Variants in CCDC171 observed in about 807,000 individuals in gnomAD.
CCDC171 encodes coiled-coil domain containing 171, also known as coiled-coil domain-containing protein 171.
CCDC171 carries 177 observed loss-of-function variants against 168.2 expected under a neutral mutation model. The observed-to-expected ratio is 1.05, with a 90% CI of 0.93 to 1.19. CCDC171 has a LOEUF of 1.19. Ranked by LOEUF, CCDC171 falls within the 50% of genes most tolerant of loss-of-function variation. The probability of loss-of-function intolerance (pLI) is 0.00; values close to 1 mark genes in which losing one functional copy is unlikely to be tolerated. For missense variants in CCDC171, 1,991 were observed against 1,539.0 expected (o/e 1.29, Z -4.91); for synonymous variants, 687 against 540.8 (o/e 1.27, Z -3.75).
rs2040903842 is a variant in CCDC171 at position 15,578,995 on chromosome 9, G to A, written c.324G>A (p.Glu108=). ...GRRAAEERLA[E]AHRIQEKLCA... Reference sequence around the variant, plus strand: ...GGGCTGCTGAAGAAAGATTAGCCGAGGCACATAGGATCCAAGAAAAACTCT... The same window carrying A: ...GGGCTGCTGAAGAAAGATTAGCCGAAGCACATAGGATCCAAGAAAAACTCT... The change falls in exon 4 of 26, where the codon GAG becomes GAA. Residue 108 remains glutamate (E), a synonymous_variant. Transcript: ENST00000380701. 2.5e-6 allele frequency: 4 copies of A among 1,613,696 alleles called. No homozygotes were observed. Among genetic ancestry groups the A allele is most frequent in the Non-Finnish European group, 3.4e-6 (4 of 1,179,872 alleles).
intron 3 of CCDC171, among the ~76,000 whole-genome samples, chr9:15,987,474 A>G (rs1322660667): frequency 1.3e-5 from 2 of 152,188 alleles, no homozygotes; most frequent in African/African-American, 2.4e-5. Context: ...AAAAAAAAGC[A>G]TGAAAAAGAT....
At chr9:15,749,542 C>G (rs2055565601) in intron 18 of CCDC171, among the ~76,000 whole-genome samples, 1 of 152,196 alleles carries the variant, frequency 6.6e-6, no homozygotes, top group African/African-American at 2.4e-5. Context: ...CCACATCACA[C>G]TTATTCTAAA....
intron 25 of CCDC171, among the ~76,000 whole-genome samples, chr9:15,934,082 C>A (rs986471735): frequency 6.6e-6 from 1 of 151,820 alleles, no homozygotes; most frequent in Non-Finnish European, 1.5e-5. Context: ...AACAAAAAGA[C>A]AATCTAATTT....
the CCDC171 span, among the ~76,000 whole-genome samples, chr9:16,095,574 CAT>C: frequency 2.0e-5 from 3 of 151,964 alleles, no homozygotes; most frequent in Non-Finnish European, 2.9e-5. Context: ...CACATACACA[CAT>C]GTTGAAATAT....
intron 6 of CCDC171, among the ~76,000 whole-genome samples, chr9:16,034,881 G>T (rs1437847920): frequency 6.6e-6 from 1 of 152,108 alleles, no homozygotes; most frequent in Admixed American, 6.5e-5. Context: ...GGGTTAACTT[G>T]GAGAGTGGGG....
At chr9:15,568,267 C>CTT (rs554021809) in intron 2 of CCDC171, among the ~76,000 whole-genome samples, 211 of 126,824 alleles carry the variant, frequency 1.7e-3, no homozygotes, top group African/African-American at 2.5e-3. Context: ...TCCAATACAT[C>CTT]TTTTTTTTTT....
At chr9:15,624,041 T>C (rs1387205522) in intron 7 of CCDC171, among the ~76,000 whole-genome samples, 13 of 152,216 alleles carry the variant, frequency 8.5e-5, no homozygotes, top group Non-Finnish European at 1.9e-4. Flanking sequence ...TAAACATAAT[T>C]TGTAATCTTT....
chr9:15,895,428 C>T (rs1045351167), intron 24 of CCDC171, among the ~76,000 whole-genome samples: 2 of 152,066 alleles, frequency 1.3e-5, no homozygotes, highest in African/African-American at 4.8e-5. Flanking sequence ...CTTATCGAGG[C>T]CAGATGTCAT....
intron 9 of CCDC171, among the ~76,000 whole-genome samples, chr9:15,677,086 C>G (rs1330751753): frequency 6.6e-6 from 1 of 152,106 alleles, no homozygotes; most frequent in Non-Finnish European, 1.5e-5. Context: ...TTGTCGAGCT[C>G]TTTCAATTTT....
At chr9:15,556,372 C>G (rs2038799303) in intron 1 of CCDC171, among the ~76,000 whole-genome samples, 1 of 152,094 alleles carries the variant, frequency 6.6e-6, no homozygotes, top group South Asian at 2.1e-4. Flanking sequence ...TAAAAGTGTT[C>G]CTATTTCTCC....
chr9:15,594,016 A>T (rs928225847), intron 5 of CCDC171, 25 bp from the exon 6 acceptor site: 1 of 1,537,182 alleles, frequency 6.5e-7, no homozygotes, highest in East Asian at 2.3e-5. Context: ...ATCTAACAGT[A>T]AAGCAAGATT....
chr9:15,700,412 T>C (rs1310085362), intron 11 of CCDC171, among the ~76,000 whole-genome samples: 1 of 152,144 alleles, frequency 6.6e-6, no homozygotes, highest in Non-Finnish European at 1.5e-5. Context: ...CGGTTCCCAC[T>C]CACGCCTCTC....
chr9:15,881,049 A>T (rs927842215), intron 24 of CCDC171, among the ~76,000 whole-genome samples: 2 of 152,216 alleles, frequency 1.3e-5, no homozygotes, highest in African/African-American at 2.4e-5. Context: ...GCCAATGAGC[A>T]ATCTAAATGT....
intron 21 of CCDC171, among the ~76,000 whole-genome samples, chr9:15,805,614 T>C (rs1015655728): frequency 6.6e-6 from 1 of 152,172 alleles, no homozygotes; most frequent in Non-Finnish European, 1.5e-5. Context: ...AGACTGTTTG[T>C]TATGATTTCA....
At chr9:15,642,221 G>C (rs897827975) in intron 7 of CCDC171, among the ~76,000 whole-genome samples, 15 of 151,000 alleles carry the variant, frequency 9.9e-5, no homozygotes, top group African/African-American at 3.7e-4. Flanking sequence ...TGTAATACCT[G>C]TATTATAGGC....
At chr9:15,620,481 G>A (rs1246533710) in intron 6 of CCDC171, among the ~76,000 whole-genome samples, 1 of 152,170 alleles carries the variant, frequency 6.6e-6, no homozygotes, top group Non-Finnish European at 1.5e-5. Flanking sequence ...TAGAAGTGGA[G>A]CCTGAAGATG....
chr9:15,866,884 T>G (rs564319354), intron 23 of CCDC171, among the ~76,000 whole-genome samples: 1 of 152,194 alleles, frequency 6.6e-6, no homozygotes, highest in African/African-American at 2.4e-5. Context: ...AGTAGGCACT[T>G]AATGAATGTT....
At chr9:15,640,109 G>A (rs914385963) in intron 7 of CCDC171, among the ~76,000 whole-genome samples, 2 of 152,096 alleles carry the variant, frequency 1.3e-5, no homozygotes, top group Non-Finnish European at 2.9e-5. Flanking sequence ...ATCATGAAAA[G>A]TTATAAACCT....
At chr9:15,855,522 G>T (rs2061317871) in intron 23 of CCDC171, among the ~76,000 whole-genome samples, 1 of 151,674 alleles carries the variant, frequency 6.6e-6, no homozygotes, top group Non-Finnish European at 1.5e-5. Context: ...CTTTCAATTG[G>T]ATATTTAAAT....
Sources: gnomAD v4.1 joint callset for allele counts (sites outside exome capture counted in the v4.1 genomes callset) on GRCh38, gnomAD v4.1.1 for gene constraint, MANE v1.5 for transcripts, NCBI Gene and HGNC (gene_info 2026-07-23, HGNC 2026-07-21) for gene names.